HERC5: variants seen among roughly 807,000 people sequenced by gnomAD.
HERC5 encodes the protein E3 ISG15--protein ligase HERC5.
HERC5 carries 99 observed loss-of-function variants against 119.6 expected under a neutral mutation model. The observed-to-expected ratio is 0.83, with a 90% CI of 0.70 to 0.98. The LOEUF is 0.98. Among genes scored for constraint, HERC5 ranks in the 50% least tolerant of loss-of-function variants. The probability of loss-of-function intolerance (pLI) is 0.00; values close to 1 mark genes in which losing one functional copy is unlikely to be tolerated. For missense variants in HERC5, 1,267 were observed against 1,241.3 expected (o/e 1.02, Z -0.31); for synonymous variants, 478 against 445.9 (o/e 1.07, Z -0.91).
At chr4:88,488,271 G>A (rs982823475) in intron 15 of HERC5, among the ~76,000 whole-genome samples, 6 of 137,250 alleles carry the variant, frequency 4.4e-5, no homozygotes, top group East Asian at 4.3e-4. Context: ...TCCCTCTGTT[G>A]CCCAGACTGG....
At chr4:88,496,333 A>G (rs1396643749) in intron 18 of HERC5, among the ~76,000 whole-genome samples, 3 of 152,214 alleles carry the variant, frequency 2.0e-5, no homozygotes, top group Non-Finnish European at 2.9e-5. Flanking sequence ...ACAAAGGGTC[A>G]AGAATAGCCA....
intron 1 of HERC5, chr4:88,457,978 C>G (rs1740242597): frequency 7.1e-6 from 7 of 991,614 alleles, no homozygotes; most frequent in Non-Finnish European, 8.4e-6. Context: ...CTCCCACATT[C>G]TCATCGAAGT....
chr4:88,472,393 T>A lies in HERC5; in HGVS notation c.1299-16T>A. On this transcript the variant is annotated splice_polypyrimidine_tract_variant and intron_variant, in intron 10 of 22. Coordinates refer to ENST00000264350, the MANE Select transcript of HERC5 (RefSeq NM_016323.4). Reference sequence around the variant, plus strand: ...AGATAATCTAACAAAATACTTAATTTATCTTTCTTCTACAGAAGAACTACA... The same window carrying A: ...AGATAATCTAACAAAATACTTAATTAATCTTTCTTCTACAGAAGAACTACA... 1 of 1,428,066 alleles carries A rather than the reference T, an allele frequency of 7.0e-7. No homozygotes were observed. The allele number at this position is 1,428,066 out of a possible 1,614,324, so 88.5% of individuals were successfully genotyped here.
chr4:88,457,712 A>G (rs1740220258), intron 1 of HERC5, among the ~76,000 whole-genome samples, 178 bp downstream of exon 1: 1 of 152,172 alleles, frequency 6.6e-6, no homozygotes, highest in Non-Finnish European at 1.5e-5. Flanking sequence ...TATCCCGGTC[A>G]GTGTCAGGCG....
rs1262767602 is a variant in HERC5 at position 88,462,362 on chromosome 4, G to T, written c.688+6G>T. On this transcript the variant is annotated splice_donor_region_variant and intron_variant, in intron 4 of 22. Coordinates refer to ENST00000264350, the MANE Select transcript of HERC5 (RefSeq NM_016323.4). ...AGGCCTGGGCCACACTGAGAGTATG[G>T]AACACATTCTCAGATTCCTATTACC... 2 of 1,601,276 alleles carry T rather than the reference G, an allele frequency of 1.2e-6. No homozygotes were observed. The highest frequency in any genetic ancestry group is 1.7e-6 in the Non-Finnish European group (2 of 1,168,530).
At position 88,457,285 on chromosome 4, in the gene HERC5, C is replaced by A; in HGVS notation, c.16C>A (p.Arg6=). The A allele has an allele frequency of 7.4e-7, 1 of 1,353,216 alleles. No homozygotes were observed. Among genetic ancestry groups the A allele is most frequent in the South Asian group, 1.8e-5 (1 of 56,968 alleles). The allele number at this position is 1,353,216 out of a possible 1,614,324, so 83.8% of individuals were successfully genotyped here. ...CAAAGCGGCGATGGAGCGGAGGTCG[C>A]GGAGGAAGTCGCGGCGCAACGGGCG... MERRS[R]RKSRRNGRST... Residue 6 remains arginine (R), a synonymous_variant, in exon 1 of 23, where the codon CGG becomes AGG. Coordinates refer to ENST00000264350, the MANE Select transcript of HERC5 (RefSeq NM_016323.4).
At chr4:88,467,670 G>T (rs969236354) in intron 7 of HERC5, among the ~76,000 whole-genome samples, 1 of 152,206 alleles carries the variant, frequency 6.6e-6, no homozygotes, top group Non-Finnish European at 1.5e-5. Flanking sequence ...TTCCTGGGAG[G>T]TGTATTCTGT....
chr4:88,491,209 C>A (rs1560611681), intron 16 of HERC5, among the ~76,000 whole-genome samples: 1 of 152,006 alleles, frequency 6.6e-6, no homozygotes, highest in Non-Finnish European at 1.5e-5. Flanking sequence ...ACTATTTCAC[C>A]AAGAGGAATG....
intron 6 of HERC5, among the ~76,000 whole-genome samples, chr4:88,466,514 C>T (rs564606622): frequency 6.6e-6 from 1 of 152,266 alleles, no homozygotes; most frequent in South Asian, 2.1e-4. Flanking sequence ...CAGGATCCTG[C>T]CATGAATAAT....
Position 88,500,130 on chromosome 4 carries a change from C to A in HERC5, c.2511+138C>A. The A allele has an allele frequency of 5.0e-6, 3 of 602,948 alleles. No individual in the cohort carries two copies. In the South Asian group the frequency reaches 6.3e-5, roughly 13 times the overall value. 37.3% of individuals were successfully genotyped at this position (602,948 alleles called of 1,614,324 possible). A position where few individuals can be genotyped will look rare whatever the true frequency, so the allele number is the denominator to read the frequency against. Reference sequence around the variant, plus strand: ...AAAAGGTATTGTTCTTCATCATGATCTAGGTGCATCAGTTAGATTTTACTA... The same window carrying A: ...AAAAGGTATTGTTCTTCATCATGATATAGGTGCATCAGTTAGATTTTACTA... On this transcript the variant is annotated intron_variant, in intron 19 of 22. Transcript: ENST00000264350.
At position 88,467,059 on chromosome 4, in the gene HERC5, G is replaced by T; in HGVS notation, c.912G>T (p.Arg304Ser). Reference sequence around the variant, plus strand: ...GACCATATGTGCTTTTATTTAATAGGTGGCACACACTTGCCTATGTTTCTG... The same window carrying T: ...GACCATATGTGCTTTTATTTAATAGTTGGCACACACTTGCCTATGTTTCTG... ...GYRVTQIACG[R>S]WHTLAYVSDL... Residue 304 changes from arginine to serine, a missense_variant and splice_region_variant, in exon 7 of 23, where the codon AGG becomes AGT. By Grantham distance (110) the Arg-to-Ser change is moderately radical. Transcript: ENST00000264350. 1 of 1,613,912 alleles carries T rather than the reference G, an allele frequency of 6.2e-7. No homozygotes were observed. Among genetic ancestry groups the T allele is most frequent in the African/African-American group, 1.3e-5 (1 of 75,022 alleles).
intron 16 of HERC5, among the ~76,000 whole-genome samples, chr4:88,492,615 G>A (rs1741680049): frequency 6.6e-6 from 1 of 151,774 alleles, no homozygotes; most frequent in South Asian, 2.1e-4. Context: ...GCGTGGTGGT[G>A]CATATCTGTA....
In HERC5 at chr4:88,463,551, T is replaced by C. The variant is rs953679706; in HGVS notation, c.708T>C (p.Leu236=). 4 of 1,613,316 alleles carry C rather than the reference T, an allele frequency of 2.5e-6. No individual in the cohort carries two copies. Among genetic ancestry groups the C allele is most frequent in the Non-Finnish European group, 2.5e-6 (3 of 1,179,474 alleles). Residue 236 remains leucine, a synonymous_variant, in exon 5 of 23, where the codon CTT becomes CTC. Coordinates refer to ENST00000264350, the MANE Select transcript of HERC5 (RefSeq NM_016323.4). ...ACATAGGTAAAGATGATCCATCCCT[T>C]ATTGAAGGACTAGACAATCAGAAAG... is the stretch of plus-strand genomic sequence containing the variant. ...GHTESKDDPS[L]IEGLDNQKVE... is the part of the protein sequence containing the mutation.
Position 88,489,284 on chromosome 4 carries a change from T to G in HERC5, c.2081T>G (p.Val694Gly). Reference protein sequence around the residue: ...TVRRNHLIEDVLNQLSQFENE... With the variant: ...TVRRNHLIEDGLNQLSQFENE... ...AGAAGGAATCACTTGATTGAGGATGTTTTGAATCAGCTAAGTCAATTTGAG... is the reference window on the plus strand; with the variant it reads ...AGAAGGAATCACTTGATTGAGGATGGTTTGAATCAGCTAAGTCAATTTGAG... Residue 694 changes from valine to glycine, a missense_variant, in exon 16 of 23, where the codon GTT becomes GGT. Transcript: ENST00000264350. The G allele has an allele frequency of 1.2e-6, 2 of 1,614,018 alleles. No homozygotes were observed. The highest frequency in any genetic ancestry group is 1.7e-6 in the Non-Finnish European group (2 of 1,179,928).
intron 16 of HERC5, among the ~76,000 whole-genome samples, chr4:88,492,725 A>G (rs977521568): frequency 6.6e-6 from 1 of 152,154 alleles, no homozygotes; most frequent in Non-Finnish European, 1.5e-5. Context: ...CAGCCTAGAC[A>G]ACAGAGTGAG....
At chr4:88,495,297 C>T (rs1560613491) in intron 18 of HERC5, among the ~76,000 whole-genome samples, 1 of 152,124 alleles carries the variant, frequency 6.6e-6, no homozygotes, top group Non-Finnish European at 1.5e-5. Context: ...CCTGTAATCC[C>T]AGCACTGCGG....
chr4:88,482,427 G>A (rs1020842688), intron 13 of HERC5, among the ~76,000 whole-genome samples: 3 of 152,014 alleles, frequency 2.0e-5, no homozygotes, highest in Admixed American at 1.3e-4. Flanking sequence ...TCACATGCCC[G>A]TATGTGGACA....
intron 9 of HERC5, among the ~76,000 whole-genome samples, chr4:88,470,351 T>C (rs1740826513): frequency 6.6e-6 from 1 of 152,232 alleles, no homozygotes; most frequent in Non-Finnish European, 1.5e-5. Context: ...AAATCAAGCC[T>C]TTCCTCTTTA....
At position 88,462,450 on chromosome 4, in the gene HERC5, C is replaced by CT. The variant is rs565253369; in HGVS notation, c.688+97dup. ...CTGTCAAAAATGGTTCAAATCTTCACTTTCATTTTCACTGCTCTTCCTGAT... is the reference window on the plus strand; with the variant it reads ...CTGTCAAAAATGGTTCAAATCTTCACTTTTCATTTTCACTGCTCTTCCTGAT... On this transcript the variant is annotated intron_variant, in intron 4 of 22. Transcript: ENST00000264350. The CT allele has an allele frequency of 8.8e-5, 89 of 1,009,220 alleles. No individual in the cohort carries two copies. The South Asian group carries it at 1.1e-3, about 12-fold the overall frequency. The allele number at this position is 1,009,220 out of a possible 1,614,324, so 62.5% of individuals were successfully genotyped here.
Sources: allele counts gnomAD v4.1 joint callset (sites outside exome capture counted in the v4.1 genomes callset), GRCh38; gene constraint gnomAD v4.1.1; transcripts MANE v1.5; gene names NCBI Gene and HGNC (gene_info 2026-07-23, HGNC 2026-07-21).